SLC35E3: variants seen among roughly 807,000 people sequenced by gnomAD.
SLC35E3 encodes bladder cancer-overexpressed gene 1 protein.
In SLC35E3, 28 loss-of-function variants were observed where a neutral mutation model predicts 30.8. The ratio of observed to expected loss-of-function variants is 0.91; its 90% CI spans 0.67 to 1.25. The LOEUF (loss-of-function observed/expected upper bound fraction) is 1.25, where lower values mean the gene tolerates loss of function less well. SLC35E3 is among the 50% of genes most tolerant of loss of function. SLC35E3 has a pLI of 0.00. For missense variants in SLC35E3, 365 were observed against 375.4 expected, an observed-to-expected ratio of 0.97 and a Z score of 0.23; for synonymous variants, 146 against 149.2, an observed-to-expected ratio of 0.98 and a Z score of 0.16.
chr12:68,763,039 A>G (rs961390347), intron 4 of SLC35E3, among the ~76,000 whole-genome samples: 8 of 152,218 alleles, frequency 5.3e-5, no homozygotes, highest in African/African-American at 1.9e-4. Flanking sequence ...AGTACGATCT[A>G]TGATGTTGGG....
chr12:68,747,818 T>C lies in SLC35E3; in HGVS notation c.403-112T>C, dbSNP rs1878650071. 14 of 589,374 alleles carry C rather than the reference T, an allele frequency of 2.4e-5. No individual in the cohort carries two copies. The Admixed American group carries it at 3.8e-4, about 16-fold the overall frequency. The allele number at this position is 589,374 out of a possible 1,614,324, so 36.5% of individuals were successfully genotyped here. A position where few individuals can be genotyped will look rare whatever the true frequency, so the allele number is the denominator to read the frequency against. On this transcript the variant is annotated intron_variant, in intron 1 of 4. Coordinates refer to ENST00000398004, the MANE Select transcript of SLC35E3 (RefSeq NM_018656.5). ...AACAGAAAACATTTATACAGGTTCATTGTTTCCCAGTTATGTGTTTATCAT... is the reference window on the plus strand; with the variant it reads ...AACAGAAAACATTTATACAGGTTCACTGTTTCCCAGTTATGTGTTTATCAT...
rs933863137 is a variant in SLC35E3 at position 68,771,556 on chromosome 12, T to C, written c.*6666T>C. On this transcript the variant is annotated 3_prime_UTR_variant, in exon 5 of 5. Transcript: ENST00000398004. The stretch of plus-strand genomic sequence containing the variant: ...AAAATGGGCCGGGCACTGTGGCTTA[T>C]GCCTGTAATCCCAACATTTTTGAGA... The C allele has an allele frequency of 6.6e-6, 1 of 152,276 alleles. No individual in the cohort carries two copies. The highest frequency in any genetic ancestry group is 1.5e-5 in the Non-Finnish European group (1 of 68,094). 9.4% of individuals were successfully genotyped at this position (152,276 alleles called of 1,614,324 possible).
intron 1 of SLC35E3, among the ~76,000 whole-genome samples, 181 bp downstream of exon 1, chr12:68,746,960 G>C (rs1467202851): frequency 6.6e-6 from 1 of 152,232 alleles, no homozygotes; most frequent in Non-Finnish European, 1.5e-5. Context: ...TGTCAGCCCA[G>C]AAGAGTGGGC....
chr12:68,779,638 T>C lies in SLC35E3; in HGVS notation c.*14748T>C, dbSNP rs1445440061. 6.6e-6 allele frequency: 1 copy of C among 152,194 alleles called. No homozygotes were observed. Among genetic ancestry groups the C allele is most frequent in the Admixed American group, 6.5e-5 (1 of 15,276 alleles). The allele number at this position is 152,194 out of a possible 1,614,324, so 9.4% of individuals were successfully genotyped here. ...AAGTTAAATGAATGAATGAATAAAATGTGATTAATAAATATGGGGGCCAGG... is the reference window on the plus strand; with the variant it reads ...AAGTTAAATGAATGAATGAATAAAACGTGATTAATAAATATGGGGGCCAGG... On this transcript the variant is annotated 3_prime_UTR_variant, in exon 5 of 5. Transcript: ENST00000398004.
At chr12:68,756,892 G>A (rs1879035576) in intron 3 of SLC35E3, among the ~76,000 whole-genome samples, 1 of 152,182 alleles carries the variant, frequency 6.6e-6, no homozygotes, top group Non-Finnish European at 1.5e-5. Flanking sequence ...GCTGGTGCCT[G>A]TAGTCTCAGC....
intron 3 of SLC35E3, among the ~76,000 whole-genome samples, chr12:68,754,081 G>A (rs747954911): frequency 1.3e-5 from 2 of 151,888 alleles, no homozygotes; most frequent in African/African-American, 2.4e-5. Context: ...TCTTGACCTC[G>A]TGACCCACCC....
At chr12:68,750,966 G>T (rs924202250) in intron 2 of SLC35E3, among the ~76,000 whole-genome samples, 3 of 152,134 alleles carry the variant, frequency 2.0e-5, no homozygotes, top group African/African-American at 7.2e-5. Context: ...GATCCAAACA[G>T]TCCTGTTAAA....
intron 3 of SLC35E3, among the ~76,000 whole-genome samples, chr12:68,752,858 A>T (rs898066178): frequency 6.7e-6 from 1 of 148,992 alleles, no homozygotes; most frequent in African/African-American, 2.5e-5. Flanking sequence ...CAAAAAAATT[A>T]GCTGAGGCTG....
chr12:68,763,934 C>G (rs555702071), intron 4 of SLC35E3, among the ~76,000 whole-genome samples: 12 of 152,214 alleles, frequency 7.9e-5, no homozygotes, highest in African/African-American at 2.4e-4. Flanking sequence ...GAAGAGTGAG[C>G]CTGCAGTGAA....
At chr12:68,764,561 T>G in intron 4 of SLC35E3, 143 bp from the exon 5 acceptor site, 1 of 588,970 alleles carries the variant, frequency 1.7e-6, no homozygotes, top group Non-Finnish European at 2.7e-6. Context: ...GTGCTGGGAT[T>G]ACAGGCATGA....
rs1555183499 is a variant in SLC35E3, at chr12:68,781,467, C to T, written c.*16577C>T. 6.6e-6 allele frequency: 1 copy of T among 152,226 alleles called. No individual in the cohort carries two copies. The highest frequency in any genetic ancestry group is 1.5e-5 in the Non-Finnish European group (1 of 68,064). 9.4% of individuals were successfully genotyped at this position (152,226 alleles called of 1,614,324 possible). A position where few individuals can be genotyped will look rare whatever the true frequency, so the allele number is the denominator to read the frequency against. On this transcript the variant is annotated 3_prime_UTR_variant, in exon 5 of 5. Coordinates refer to ENST00000398004, the MANE Select transcript of SLC35E3 (RefSeq NM_018656.5). Reference sequence around the variant, plus strand: ...CTAATAATAAACCAATACAGTGCTACAGAGATGTTTCTTTCATTAATGTGT... The same window carrying T: ...CTAATAATAAACCAATACAGTGCTATAGAGATGTTTCTTTCATTAATGTGT...
chr12:68,770,903 A>G lies in SLC35E3; in HGVS notation c.*6013A>G, dbSNP rs771564867. ...AGAGAATGGTGCCATTCTCTGAACT[A>G]GGAAACACAAGAAGAGGACTGAGGA... On this transcript the variant is annotated 3_prime_UTR_variant, in exon 5 of 5. Transcript: ENST00000398004. The G allele has an allele frequency of 1.6e-5, 3 of 188,014 alleles. No individual in the cohort carries two copies. Among genetic ancestry groups the G allele is most frequent in the Non-Finnish European group, 2.3e-5 (2 of 87,622 alleles). 11.6% of individuals were successfully genotyped at this position (188,014 alleles called of 1,614,324 possible).
chr12:68,773,486 A>G lies in SLC35E3; in HGVS notation c.*8596A>G, dbSNP rs559243868. 44 of 152,308 alleles carry G rather than the reference A, an allele frequency of 2.9e-4. No individual in the cohort carries two copies. The highest frequency in any genetic ancestry group is 5.4e-4 in the Non-Finnish European group (37 of 68,210). The allele number at this position is 152,308 out of a possible 1,614,324, so 9.4% of individuals were successfully genotyped here. A position where few individuals can be genotyped will look rare whatever the true frequency, so the allele number is the denominator to read the frequency against. On this transcript the variant is annotated 3_prime_UTR_variant, in exon 5 of 5. Coordinates refer to ENST00000398004, the MANE Select transcript of SLC35E3 (RefSeq NM_018656.5). ...CAGTGGTGCAATCACAGCTCACTGC[A>G]GCCTCGAATTCCTAGGCTCAAGTGA...
At chr12:68,762,392 G>C (rs1462506010) in intron 4 of SLC35E3, among the ~76,000 whole-genome samples, 4 of 152,262 alleles carry the variant, frequency 2.6e-5, no homozygotes, top group South Asian at 2.1e-4. Context: ...CAGAACCAGA[G>C]GAAGGAGGAG....
At chr12:68,753,809 T>TACACACACACACACAC (rs1229325376) in intron 3 of SLC35E3, among the ~76,000 whole-genome samples, 14 of 148,590 alleles carry the variant, frequency 9.4e-5, no homozygotes, top group Admixed American at 7.4e-4. Context: ...TATATATCCA[T>TACACACACACACACAC]ACACACACAC....
At chr12:68,757,819 GGC>G in intron 3 of SLC35E3, among the ~76,000 whole-genome samples, 1 of 152,346 alleles carries the variant, frequency 6.6e-6, no homozygotes, top group Non-Finnish European at 1.5e-5. Flanking sequence ...CAGGTGCAGT[GGC>G]TCAGGCCTGT....
At position 68,764,984 on chromosome 12, in the gene SLC35E3, C is replaced by T. The variant is rs1363224339; in HGVS notation, c.*94C>T. 1.4e-5 allele frequency: 17 copies of T among 1,212,318 alleles called. No homozygotes were observed. Among genetic ancestry groups the T allele is most frequent in the Non-Finnish European group, 1.7e-5 (15 of 877,734 alleles). 75.1% of individuals were successfully genotyped at this position (1,212,318 alleles called of 1,614,324 possible). On this transcript the variant is annotated 3_prime_UTR_variant, in exon 5 of 5. Coordinates refer to ENST00000398004, the MANE Select transcript of SLC35E3 (RefSeq NM_018656.5). ...TAAAAAAAAAAAATTGGGCCAGGCA[C>T]GGTGGCTCACGCCTGTAATCCCAGC...
chr12:68,759,180 A>G lies in SLC35E3; in HGVS notation c.696A>G (p.Val232=), dbSNP rs750225324. 8.1e-6 allele frequency: 13 copies of G among 1,613,004 alleles called. No homozygotes were observed. In the Admixed American group the frequency reaches 1.8e-4, roughly 23 times the overall value. ...AGCTTATGGTGCTGCTATCTGGAGT[A>G]ATAGCTTTCATGGTGAACTTATCAA... The part of the protein sequence containing the change: ...SALLMVLLSG[V]IAFMVNLSIY... The change falls in exon 4 of 5, where the codon GTA becomes GTG. Residue 232 remains valine (V), a synonymous_variant. Coordinates refer to ENST00000398004, the MANE Select transcript of SLC35E3 (RefSeq NM_018656.5).
In SLC35E3 at chr12:68,755,371, G is replaced by A. The variant is rs911900655; in HGVS notation, c.672+3181G>A. ...AGTGGGAATATCTTTTTTGTTGGTC[G>A]CATCAATTTATCAAGCACCTATATA... is the stretch of plus-strand genomic sequence containing the variant. On this transcript the variant is annotated intron_variant, in intron 3 of 4. Coordinates refer to ENST00000398004, the MANE Select transcript of SLC35E3 (RefSeq NM_018656.5). Among the ~76,000 whole-genome samples, 12 of 152,178 alleles carry A rather than the reference G, an allele frequency of 7.9e-5. No homozygotes were observed. The East Asian group carries it at 9.7e-4, about 12-fold the overall frequency.
Sources: gnomAD v4.1 joint callset for allele counts (sites outside exome capture counted in the v4.1 genomes callset) on GRCh38, gnomAD v4.1.1 for gene constraint, MANE v1.5 for transcripts, NCBI Gene and HGNC (gene_info 2026-07-23, HGNC 2026-07-21) for gene names.